OR1J2: variants seen among roughly 807,000 people sequenced by gnomAD.
The protein encoded by OR1J2 is olfactory receptor family 1 subfamily J member 2.
For missense variants in OR1J2, 304 were observed against 246.1 expected (o/e 1.24, Z -1.57); for synonymous variants, 142 against 99.7 (o/e 1.42, Z -2.52).
chr9:122,475,121 G>A, the OR1J2 span: 1 of 152,240 alleles, frequency 6.6e-6, no homozygotes, highest in Non-Finnish European at 1.5e-5. Flanking sequence ...AGCAGCCTGG[G>A]CTACACCCTC....
the OR1J2 span, chr9:122,553,919 G>A: frequency 6.2e-7 from 1 of 1,613,976 alleles, no homozygotes; most frequent in South Asian, 1.1e-5. Context: ...CTCCTGGAGG[G>A]AGATGGAAGG....
upstream of OR1J2, among the ~76,000 whole-genome samples, chr9:122,507,097 T>G (rs559628391): frequency 4.6e-4 from 70 of 152,290 alleles, no homozygotes; most frequent in African/African-American, 1.5e-3. Context: ...ATATGGTGCC[T>G]TATCTGTGGT....
chr9:122,477,511 C>T, the OR1J2 span: 2 of 1,613,976 alleles, frequency 1.2e-6, no homozygotes, highest in African/African-American at 2.7e-5. Context: ...GACACACTGG[C>T]TCTGAGTCAT....
At chr9:122,490,583 A>G in the OR1J2 span, among the ~76,000 whole-genome samples, 1 of 152,216 alleles carries the variant, frequency 6.6e-6, no homozygotes, top group Admixed American at 6.5e-5. Context: ...GTAGAAGGTG[A>G]TGTCAACAAC....
chr9:122,482,346 T>C, the OR1J2 span, among the ~76,000 whole-genome samples: 1 of 152,150 alleles, frequency 6.6e-6, no homozygotes, highest in Non-Finnish European at 1.5e-5. Flanking sequence ...ATAGAATGGT[T>C]ATTATCAAAA....
the OR1J2 span, chr9:122,519,628 T>G: frequency 5.0e-6 from 8 of 1,614,180 alleles, no homozygotes; most frequent in Non-Finnish European, 6.8e-6. Flanking sequence ...ACTCTCCTCC[T>G]GGCCCAGCTG....
At chr9:122,538,519 G>C in the OR1J2 span, among the ~76,000 whole-genome samples, 1,006 of 152,196 alleles carry the variant, frequency 6.6e-3, 16 homozygotes, top group African/African-American at 0.023. Flanking sequence ...TATCAGATCG[G>C]TGAGTCTTTT....
At chr9:122,530,479 C>G in the OR1J2 span, among the ~76,000 whole-genome samples, 2 of 152,194 alleles carry the variant, frequency 1.3e-5, no homozygotes, top group African/African-American at 4.8e-5. Context: ...TGTTAACTCT[C>G]ATAATTGCCC....
the OR1J2 span, chr9:122,553,870 C>T: frequency 1.9e-6 from 3 of 1,614,100 alleles, no homozygotes; most frequent in Non-Finnish European, 2.5e-6. Flanking sequence ...ATCGTCTTCT[C>T]CTATGTCCGC....
the OR1J2 span, among the ~76,000 whole-genome samples, chr9:122,576,038 T>C: frequency 3.9e-5 from 6 of 152,200 alleles, no homozygotes; most frequent in African/African-American, 1.4e-4. Flanking sequence ...CCTCCAGGTA[T>C]ATCTGTGTTG....
At chr9:122,532,914 G>T in the OR1J2 span, among the ~76,000 whole-genome samples, 2 of 152,102 alleles carry the variant, frequency 1.3e-5, no homozygotes, top group Non-Finnish European at 2.9e-5. Context: ...GGGAGAGCAC[G>T]TGTGTTTTTA....
At chr9:122,481,088 C>T in the OR1J2 span, among the ~76,000 whole-genome samples, 1 of 152,204 alleles carries the variant, frequency 6.6e-6, no homozygotes. Flanking sequence ...GCCACTGCGC[C>T]CGGCCCCATC....
At chr9:122,459,652 A>G in the OR1J2 span, among the ~76,000 whole-genome samples, 1 of 152,158 alleles carries the variant, frequency 6.6e-6, no homozygotes, top group Non-Finnish European at 1.5e-5. Flanking sequence ...AATGAACTCA[A>G]TGTAGTTGGA....
downstream of OR1J2, among the ~76,000 whole-genome samples, chr9:122,514,159 G>C (rs1215358618): frequency 6.6e-6 from 1 of 152,040 alleles, no homozygotes; most frequent in Non-Finnish European, 1.5e-5. Context: ...ACTTTTGTTT[G>C]ACATTCGTGG....
chr9:122,484,088 C>G, the OR1J2 span, among the ~76,000 whole-genome samples: 26 of 152,092 alleles, frequency 1.7e-4, no homozygotes, highest in African/African-American at 5.6e-4. Flanking sequence ...CTGTTTTTCT[C>G]CATCAATTTC....
chr9:122,571,930 T>C, the OR1J2 span, among the ~76,000 whole-genome samples: 3 of 152,136 alleles, frequency 2.0e-5, no homozygotes, highest in Non-Finnish European at 4.4e-5. Flanking sequence ...GGGTAATTTT[T>C]AAAGTAAAGA....
At chr9:122,452,085 G>A in the OR1J2 span, among the ~76,000 whole-genome samples, 50,644 of 151,864 alleles carry the variant, frequency 0.33, 9,159 homozygotes, top group African/African-American at 0.48. Flanking sequence ...TCACCGTGTT[G>A]GCCAGGATGG....
At chr9:122,568,200 A>T in the OR1J2 span, 1 of 1,614,220 alleles carries the variant, frequency 6.2e-7, no homozygotes, top group Non-Finnish European at 8.5e-7. Flanking sequence ...AGCATAGGAG[A>T]TGGTCTTCTT....
At chr9:122,565,253 C>A in the OR1J2 span, among the ~76,000 whole-genome samples, 2 of 152,156 alleles carry the variant, frequency 1.3e-5, no homozygotes, top group Non-Finnish European at 2.9e-5. Flanking sequence ...TGGGGAAGAG[C>A]AATGTGAATA....
Sources: allele counts gnomAD v4.1 joint callset (sites outside exome capture counted in the v4.1 genomes callset), GRCh38; gene constraint gnomAD v4.1.1; transcripts MANE v1.5; gene names NCBI Gene and HGNC (gene_info 2026-07-23, HGNC 2026-07-21).